The following ANKRD12 variants were observed in gnomAD, a reference collection of about 807,000 sequenced individuals.
ANKRD12 encodes the protein ankyrin repeat domain-containing protein 12.
ANKRD12 carries 85 observed loss-of-function variants against 183.4 expected under a neutral mutation model. That is an observed-to-expected ratio of 0.46 (90% CI 0.39 to 0.56). ANKRD12 has a LOEUF of 0.56. Among genes scored for constraint, ANKRD12 ranks in the 20% least tolerant of loss-of-function variants. The pLI is 0.00. For missense variants in ANKRD12, 2,405 were observed against 2,357.1 expected (o/e 1.02, Z -0.42); for synonymous variants, 914 against 800.2 (o/e 1.14, Z -2.40).
intron 4 of ANKRD12, among the ~76,000 whole-genome samples, chr18:9,205,755 A>G (rs1483398329): frequency 6.6e-5 from 10 of 151,978 alleles, no homozygotes. Context: ...TTTTTTTTTC[A>G]GAATTGAAGT....
In ANKRD12 at chr18:9,258,360, A is replaced by T. The variant is rs760017982; in HGVS notation, c.5093A>T (p.His1698Leu). 6.2e-6 allele frequency: 10 copies of T among 1,613,802 alleles called. No individual in the cohort carries two copies. The highest frequency in any genetic ancestry group is 8.5e-6 in the Non-Finnish European group (10 of 1,179,930). Residue 1698 changes from histidine (H) to leucine (L), a missense_variant, in exon 9 of 13, where the codon CAT becomes CTT. By Grantham distance (99) the His-to-Leu change is moderately conservative (BLOSUM62 -3). Transcript: ENST00000262126. ...QQSILSSLEN[H>L]SQQSTQPEMH... ...AGCATTTTATCAAGTCTGGAAAACCATTCACAGCAGTCAACTCAACCAGAA... is the reference window on the plus strand; with the variant it reads ...AGCATTTTATCAAGTCTGGAAAACCTTTCACAGCAGTCAACTCAACCAGAA...
At chr18:9,252,350 G>A (rs1225324200) in intron 8 of ANKRD12, among the ~76,000 whole-genome samples, 1 of 152,184 alleles carries the variant, frequency 6.6e-6, no homozygotes, top group East Asian at 1.9e-4. Context: ...GAGCAACACA[G>A]GGTCACTGCA....
intron 1 of ANKRD12, among the ~76,000 whole-genome samples, chr18:9,155,864 G>A (rs2030346218): frequency 6.6e-6 from 1 of 151,992 alleles, no homozygotes; most frequent in Admixed American, 6.6e-5. Context: ...TGTTTATGAT[G>A]TTTACATTGT....
chr18:9,140,773 C>T (rs2078287080), intron 1 of ANKRD12, among the ~76,000 whole-genome samples: 1 of 152,114 alleles, frequency 6.6e-6, no homozygotes, highest in Admixed American at 6.5e-5. Context: ...GGAAACCAAC[C>T]TCAGTATTGT....
intron 8 of ANKRD12, among the ~76,000 whole-genome samples, chr18:9,252,227 T>C (rs986612978): frequency 6.6e-6 from 1 of 152,158 alleles, no homozygotes; most frequent in Admixed American, 6.5e-5. Context: ...AGTGATTAAA[T>C]TTAAAAATTG....
intron 1 of ANKRD12, among the ~76,000 whole-genome samples, chr18:9,145,209 A>G (rs1289106637): frequency 3.3e-5 from 5 of 152,132 alleles, no homozygotes; most frequent in African/African-American, 4.8e-5. Flanking sequence ...TACAGCCTCA[A>G]ACTTCTGGGC....
chr18:9,227,684 A>C (rs1368307926), intron 8 of ANKRD12, among the ~76,000 whole-genome samples: 1 of 152,068 alleles, frequency 6.6e-6, no homozygotes, highest in Non-Finnish European at 1.5e-5. Flanking sequence ...CCCTTTTTTC[A>C]CTATATAATC....
intron 2 of ANKRD12, among the ~76,000 whole-genome samples, chr18:9,192,749 C>A (rs1398478643): frequency 6.6e-6 from 1 of 151,910 alleles, no homozygotes; most frequent in Non-Finnish European, 1.5e-5. Context: ...CTCTGTCACC[C>A]AGCCTGGAAT....
At chr18:9,270,550 G>A (rs960386665) in intron 10 of ANKRD12, among the ~76,000 whole-genome samples, 4 of 152,158 alleles carry the variant, frequency 2.6e-5, no homozygotes, top group African/African-American at 7.2e-5. Flanking sequence ...TCACTCATAG[G>A]TGGGAATTGA....
intron 8 of ANKRD12, among the ~76,000 whole-genome samples, chr18:9,226,786 T>TA (rs957527179): frequency 1.3e-5 from 2 of 152,160 alleles, no homozygotes; most frequent in Admixed American, 1.3e-4. Context: ...TTTTTAGTAT[T>TA]ACAGCTGAGA....
chr18:9,161,268 A>G (rs2031373692), intron 1 of ANKRD12, among the ~76,000 whole-genome samples: 1 of 152,186 alleles, frequency 6.6e-6, no homozygotes, highest in African/African-American at 2.4e-5. Context: ...TGGTAAAACT[A>G]AGTATATCTG....
intron 1 of ANKRD12, among the ~76,000 whole-genome samples, chr18:9,181,698 C>T (rs1567886679): frequency 6.6e-6 from 1 of 152,158 alleles, no homozygotes; most frequent in Non-Finnish European, 1.5e-5. Flanking sequence ...TCCTCTTTAA[C>T]ATGTAAAACC....
At chr18:9,207,101 C>T (rs867635053) in intron 4 of ANKRD12, among the ~76,000 whole-genome samples, 15 of 151,932 alleles carry the variant, frequency 9.9e-5, no homozygotes, top group African/African-American at 3.6e-4. Flanking sequence ...AAAACAACAA[C>T]ACTTGTAGTT....
At chr18:9,223,799 C>T (rs2036556333) in intron 8 of ANKRD12, among the ~76,000 whole-genome samples, 1 of 152,158 alleles carries the variant, frequency 6.6e-6, no homozygotes, top group Admixed American at 6.5e-5. Context: ...CATGCAGTTT[C>T]TTATTAAGTA....
At chr18:9,270,616 G>T (rs1179817614) in intron 10 of ANKRD12, among the ~76,000 whole-genome samples, 1 of 152,140 alleles carries the variant, frequency 6.6e-6, no homozygotes, top group African/African-American at 2.4e-5. Flanking sequence ...GGCCTGTTGT[G>T]GGGTGGAGGG....
chr18:9,255,453 A>C lies in ANKRD12; in HGVS notation c.2186A>C (p.Asn729Thr), dbSNP rs202094593. The change falls in exon 9 of 13, where the codon AAC becomes ACC. Residue 729 changes from asparagine (N) to threonine (T), a missense_variant. By Grantham distance (65) the Asn-to-Thr change is moderately conservative. Transcript: ENST00000262126. ...TLEKKSKLEK[N>T]IKDDKSTKEK... ...GAAAAAAAATCAAAATTGGAAAAAAACATCAAAGATGATAAATCAACCAAG... is the reference window on the plus strand; with the variant it reads ...GAAAAAAAATCAAAATTGGAAAAAACCATCAAAGATGATAAATCAACCAAG... 1.0e-5 allele frequency: 16 copies of C among 1,573,750 alleles called. No homozygotes were observed. In the East Asian group the frequency reaches 2.0e-4, roughly 20 times the overall value.
At chr18:9,239,906 A>G (rs182533070) in intron 8 of ANKRD12, among the ~76,000 whole-genome samples, 1 of 152,318 alleles carries the variant, frequency 6.6e-6, no homozygotes, top group African/African-American at 2.4e-5. Flanking sequence ...TTCATTAGTC[A>G]TTGTGCTTTA....
At chr18:9,164,583 G>C (rs550583493) in intron 1 of ANKRD12, among the ~76,000 whole-genome samples, 2 of 152,286 alleles carry the variant, frequency 1.3e-5, no homozygotes, top group South Asian at 4.1e-4. Context: ...GCATCCCAGA[G>C]ATTCTAGTAC....
In ANKRD12 at chr18:9,285,231, A is replaced by T. The variant is rs2040196540; in HGVS notation, c.*4105A>T. 6.6e-6 allele frequency: 1 copy of T among 151,582 alleles called. No homozygotes were observed. The highest frequency in any genetic ancestry group is 2.1e-4 in the South Asian group (1 of 4,822). The allele number at this position is 151,582 out of a possible 1,614,324, so 9.4% of individuals were successfully genotyped here. A position where few individuals can be genotyped will look rare whatever the true frequency, so the allele number is the denominator to read the frequency against. On this transcript the variant is annotated 3_prime_UTR_variant, in exon 13 of 13. Coordinates refer to ENST00000262126, the MANE Select transcript of ANKRD12 (RefSeq NM_015208.5). Reference sequence around the variant, plus strand: ...CTCAAAAAAAAAAAAAAAGAAAGAAAAGAAAATAGGCCAATATGGTGAAAC... The same window carrying T: ...CTCAAAAAAAAAAAAAAAGAAAGAATAGAAAATAGGCCAATATGGTGAAAC...
Sources: gnomAD v4.1 joint callset for allele counts (sites outside exome capture counted in the v4.1 genomes callset) on GRCh38, gnomAD v4.1.1 for gene constraint, MANE v1.5 for transcripts, NCBI Gene and HGNC (gene_info 2026-07-23, HGNC 2026-07-21) for gene names.